Variants in TSPAN10 observed in about 807,000 individuals in gnomAD.
TSPAN10 encodes tetraspanin 10.
Under a neutral mutation model 15.0 loss-of-function variants are expected in TSPAN10, and 11 were observed. The ratio of observed to expected loss-of-function variants is 0.73; its 90% CI spans 0.46 to 1.21. The LOEUF (loss-of-function observed/expected upper bound fraction) is 1.21, where lower values mean the gene tolerates loss of function less well. Among genes scored for constraint, TSPAN10 ranks in the 50% most tolerant of loss-of-function variants. The pLI, the probability that TSPAN10 is intolerant of heterozygous loss-of-function variation, is 0.00. For synonymous variants in TSPAN10, 241 were observed against 226.2 expected, an observed-to-expected ratio of 1.07 and a Z score of -0.59; for missense variants, 486 against 470.6, an observed-to-expected ratio of 1.03 and a Z score of -0.30.
At chr17:81,646,753 C>G (rs2036259866) in intron 2 of TSPAN10, among the ~76,000 whole-genome samples, 1 of 151,936 alleles carries the variant, frequency 6.6e-6, no homozygotes, top group Non-Finnish European at 1.5e-5. Flanking sequence ...TCCACAGTTT[C>G]CCTCCACCGT....
At chr17:81,639,953 C>CT (rs1465297699), upstream of TSPAN10, among the ~76,000 whole-genome samples, 1 of 151,200 alleles carries the variant, frequency 6.6e-6, no homozygotes, top group Non-Finnish European at 1.5e-5. Context: ...GCGCTCCAGC[C>CT]TGGGCGACAG....
rs2036200790 is a variant in TSPAN10, at chr17:81,643,438, T to C, written c.36+990T>C. Among the ~76,000 whole-genome samples the C allele has an allele frequency of 3.4e-5, 2 of 58,046 alleles. 1 individual carries two copies. Among genetic ancestry groups the C allele is most frequent in the Non-Finnish European group, 5.8e-5 (2 of 34,398 alleles). 38.1% of individuals were successfully genotyped at this position (58,046 alleles called of 152,430 possible). ...CATCCCGGCTAAAACGGTGAAACCC[T>C]GTCTCTACTAAAAATACAAAAAATT... On this transcript the variant is annotated intron_variant, in intron 1 of 2. Transcript: ENST00000611590.
upstream of TSPAN10, among the ~76,000 whole-genome samples, chr17:81,641,461 A>G (rs1416004298): frequency 7.2e-6 from 1 of 138,222 alleles, no homozygotes; most frequent in African/African-American, 2.7e-5. Context: ...TCCCACCCCC[A>G]TCTCCGCTTG....
exon 3 of TSPAN10, chr17:81,648,020 T>A: frequency 6.2e-7 from 1 of 1,607,446 alleles, no homozygotes; most frequent in Non-Finnish European, 8.5e-7. Context: ...GTCCTGCGCC[T>A]GGATGCGGAC....
chr17:81,642,483 G>A, intron 1 of TSPAN10, 35 bp downstream of exon 2: 1 of 1,590,290 alleles, frequency 6.3e-7, no homozygotes, highest in Non-Finnish European at 8.6e-7. Context: ...CCTGAGGTTG[G>A]AGATGTCCCC....
exon 2 of TSPAN10, chr17:81,645,360 C>A (rs1323533851): frequency 6.3e-7 from 1 of 1,592,342 alleles, no homozygotes; most frequent in Admixed American, 1.7e-5. Flanking sequence ...GCGCAGTGAG[C>A]CTGGCTGGCT....
chr17:81,637,574 G>A (rs1358591152), upstream of TSPAN10: 1 of 536,674 alleles, frequency 1.9e-6, no homozygotes, highest in Non-Finnish European at 3.3e-6. Flanking sequence ...CAAGGTGGAC[G>A]GATCACCTGA....
upstream of TSPAN10, chr17:81,638,203 T>G (rs944255203): frequency 3.9e-5 from 6 of 152,124 alleles, no homozygotes; most frequent in African/African-American, 1.2e-4. Context: ...AGAGTTTAAT[T>G]CACACAGAGC....
At chr17:81,642,061 C>A (rs2036183062), upstream of TSPAN10, among the ~76,000 whole-genome samples, 2 of 132,246 alleles carry the variant, frequency 1.5e-5, no homozygotes. Context: ...CCCTGCAGAG[C>A]TGAAGTCCGC....
exon 2 of TSPAN10, chr17:81,645,394 A>T: frequency 6.2e-7 from 1 of 1,602,160 alleles, no homozygotes. Context: ...CTGTGAGAAC[A>T]CCTGCCTGTT....
intron 1 of TSPAN10, among the ~76,000 whole-genome samples, chr17:81,643,034 C>G (rs955613314): frequency 2.0e-5 from 3 of 149,210 alleles, no homozygotes; most frequent in African/African-American, 4.9e-5. Context: ...TAGATAGAGT[C>G]TCGCTCTGTC....
intron 1 of TSPAN10, among the ~76,000 whole-genome samples, chr17:81,643,813 CT>C: frequency 6.6e-6 from 1 of 151,522 alleles, no homozygotes; most frequent in South Asian, 2.1e-4. Flanking sequence ...GCCATGGCTG[CT>C]TTTTATTATT....
At position 81,645,352 on chromosome 17, in the gene TSPAN10, G is replaced by A. The variant is rs771019730; in HGVS notation, c.397G>A (p.Ala133Thr). 1.9e-5 allele frequency: 30 copies of A among 1,587,398 alleles called. No homozygotes were observed. Among genetic ancestry groups the A allele is most frequent in the Admixed American group, 3.5e-5 (2 of 56,648 alleles). ...GGCACTGGGAGGGCTGGTGGTCAGC[G>A]CAGTGAGCCTGGCTGGCTACCTGGG... The change falls in exon 2 of 3, where the codon GCA (alanine) becomes ACA (threonine). Residue 133 changes from alanine (A) to threonine (T), a missense_variant. By Grantham distance (58) the Ala-to-Thr change is moderately conservative. Coordinates refer to ENST00000611590, the Ensembl canonical transcript of TSPAN10.
upstream of TSPAN10, chr17:81,637,572 A>G (rs946593072): frequency 1.8e-6 from 1 of 544,294 alleles, no homozygotes; most frequent in Non-Finnish European, 3.3e-6. Context: ...GCCAAGGTGG[A>G]CGGATCACCT....
chr17:81,647,964 C>A (rs993787078), exon 3 of TSPAN10: 1 of 1,610,942 alleles, frequency 6.2e-7, no homozygotes, highest in East Asian at 2.2e-5. Flanking sequence ...GCTGCATCGA[C>A]CCCCGCGAAG....
upstream of TSPAN10, chr17:81,637,547 C>T (rs1241661139): frequency 7.0e-6 from 4 of 574,904 alleles, no homozygotes; most frequent in Non-Finnish European, 1.3e-5. Context: ...ACCTGTAATC[C>T]CAGCATTTTG....
At chr17:81,643,893 A>G (rs2054098574) in intron 1 of TSPAN10, among the ~76,000 whole-genome samples, 1 of 151,952 alleles carries the variant, frequency 6.6e-6, no homozygotes, top group African/African-American at 2.4e-5. Context: ...ATCTCTGCTC[A>G]TGCAACCTCT....
At chr17:81,645,240 G>C in exon 2 of TSPAN10, 1 of 1,536,836 alleles carries the variant, frequency 6.5e-7, no homozygotes, top group Admixed American at 2.2e-5. Context: ...TGCTGGCCCT[G>C]GCCATCGGGC....
chr17:81,648,313 G>C (rs2036288300), downstream of TSPAN10: 2 of 1,204,204 alleles, frequency 1.7e-6, no homozygotes, highest in African/African-American at 3.2e-5. Context: ...CCCGAGGTCC[G>C]AGACCGCCAC....
Sources: gnomAD v4.1 joint callset for allele counts (sites outside exome capture counted in the v4.1 genomes callset) on GRCh38, gnomAD v4.1.1 for gene constraint, MANE v1.5 for transcripts, NCBI Gene and HGNC (gene_info 2026-07-23, HGNC 2026-07-21) for gene names.